Variants in HSF2BP observed in about 807,000 individuals in gnomAD.
The protein encoded by HSF2BP is heat shock transcription factor 2 binding protein, also known as heat shock factor 2-binding protein.
A neutral mutation model predicts 35.0 loss-of-function variants in HSF2BP; 35 were observed. The observed-to-expected ratio is 1.00, with a 90% confidence interval of 0.76 to 1.32. The LOEUF is 1.32. Ranked by LOEUF, HSF2BP falls within the 40% of genes most tolerant of loss-of-function variation. HSF2BP has a pLI of 0.00. For synonymous variants in HSF2BP, 114 were observed against 117.4 expected (o/e 0.97, Z 0.18); for missense variants, 326 against 321.7 (o/e 1.01, Z -0.10).
At chr21:43,639,032 A>G (rs928140348) in intron 4 of HSF2BP, among the ~76,000 whole-genome samples, 1 of 152,260 alleles carries the variant, frequency 6.6e-6, no homozygotes, top group African/African-American at 2.4e-5. Flanking sequence ...TGCAAAAGCA[A>G]TTCAATGAAG....
At chr21:43,602,060 C>A (rs1423199475) in intron 7 of HSF2BP, among the ~76,000 whole-genome samples, 8 of 152,176 alleles carry the variant, frequency 5.3e-5, no homozygotes, top group Admixed American at 3.9e-4. Flanking sequence ...GGGAGAACCA[C>A]ACCCAGAAAG....
At chr21:43,622,523 T>C (rs901591608) in intron 6 of HSF2BP, among the ~76,000 whole-genome samples, 2 of 152,086 alleles carry the variant, frequency 1.3e-5, no homozygotes, top group African/African-American at 4.8e-5. Context: ...CAGGAGTAGC[T>C]ACATCTATAT....
chr21:43,625,405 G>A (rs2082377515), intron 6 of HSF2BP, among the ~76,000 whole-genome samples: 1 of 152,150 alleles, frequency 6.6e-6, no homozygotes, highest in African/African-American at 2.4e-5. Context: ...CAAAATCAGT[G>A]GTTGCCTTGG....
chr21:43,648,472 G>A (rs1374735241), intron 3 of HSF2BP, among the ~76,000 whole-genome samples: 1 of 152,146 alleles, frequency 6.6e-6, no homozygotes, highest in African/African-American at 2.4e-5. Flanking sequence ...GGAGGCAATG[G>A]CGCTCCACTC....
chr21:43,647,906 G>A (rs979958218), intron 3 of HSF2BP, among the ~76,000 whole-genome samples: 16 of 147,490 alleles, frequency 1.1e-4, no homozygotes, highest in Non-Finnish European at 2.2e-4. Flanking sequence ...TCCAGCCTGG[G>A]CGACAGAGCA....
chr21:43,608,960 C>T (rs981617440), intron 7 of HSF2BP, among the ~76,000 whole-genome samples: 5 of 152,120 alleles, frequency 3.3e-5, no homozygotes, highest in Middle Eastern at 3.2e-3. Flanking sequence ...ATGGAACAGC[C>T]AGACCCTGTC....
In HSF2BP at chr21:43,658,052, C is replaced by G. The variant is rs1601743598; in HGVS notation, c.36+9G>C. ...ACACGCTGGCGTCGGCCAGGGCTTC[C>G]TCACTAACCCGGCAGGCCTCCTCAG... On this transcript the variant is annotated intron_variant, in intron 2 of 8. Transcript: ENST00000291560. 6.5e-7 allele frequency: 1 copy of G among 1,535,948 alleles called. No homozygotes were observed. The highest frequency in any genetic ancestry group is 8.7e-7 in the Non-Finnish European group (1 of 1,146,314).
At chr21:43,635,450 A>C (rs2082538569) in intron 4 of HSF2BP, among the ~76,000 whole-genome samples, 1 of 152,232 alleles carries the variant, frequency 6.6e-6, no homozygotes, top group Non-Finnish European at 1.5e-5. Flanking sequence ...AAACCTACCG[A>C]AATAGAACCA....
intron 6 of HSF2BP, among the ~76,000 whole-genome samples, chr21:43,615,576 T>C (rs907265348): frequency 6.6e-6 from 1 of 152,200 alleles, no homozygotes; most frequent in Admixed American, 6.5e-5. Flanking sequence ...TTTCTACTTG[T>C]CTTTGCAGCA....
At chr21:43,623,614 A>G (rs4818856) in intron 6 of HSF2BP, among the ~76,000 whole-genome samples, 103,042 of 152,038 alleles carry the variant, frequency 0.68, 35,331 homozygotes, top group East Asian at 0.79. Flanking sequence ...GCTGTTTGTT[A>G]AGAGGGTCTC....
At chr21:43,623,562 A>G (rs1332247669) in intron 6 of HSF2BP, among the ~76,000 whole-genome samples, 1 of 152,198 alleles carries the variant, frequency 6.6e-6, no homozygotes, top group Non-Finnish European at 1.5e-5. Context: ...TGCCCAGAAG[A>G]GATCTTGTAG....
At chr21:43,636,871 G>A (rs1222665968) in intron 4 of HSF2BP, among the ~76,000 whole-genome samples, 5 of 142,682 alleles carry the variant, frequency 3.5e-5, no homozygotes, top group South Asian at 4.4e-4. Flanking sequence ...CAGCCTGGGC[G>A]AGAGCGAAAC....
chr21:43,612,795 C>A lies in HSF2BP; in HGVS notation c.692+1035G>T, dbSNP rs182266576. Among the ~76,000 whole-genome samples the A allele has an allele frequency of 1.6e-4, 24 of 152,034 alleles. No homozygotes were observed. The East Asian group carries it at 4.6e-3, about 29-fold the overall frequency. ...AGCCTAGGCAAGGTCTGTAGAGACT[C>A]GGTCTCTTTAAAAAAATAATTAAAA... On this transcript the variant is annotated intron_variant, in intron 7 of 8. Coordinates refer to ENST00000291560, the MANE Select transcript of HSF2BP (RefSeq NM_007031.2).
At chr21:43,649,259 GA>G (rs2082750230) in intron 3 of HSF2BP, among the ~76,000 whole-genome samples, 1 of 150,818 alleles carries the variant, frequency 6.6e-6, no homozygotes, top group Admixed American at 6.6e-5. Context: ...TTATTTTTTT[GA>G]AAAAAAATTT....
chr21:43,650,343 A>G (rs2082766782), intron 3 of HSF2BP, among the ~76,000 whole-genome samples: 1 of 151,958 alleles, frequency 6.6e-6, no homozygotes, highest in Non-Finnish European at 1.5e-5. Context: ...AGTAGCTGGG[A>G]CTACAGGCGC....
chr21:43,644,258 C>G (rs1374279543), intron 4 of HSF2BP, 31 bp downstream of exon 4: 1 of 1,555,762 alleles, frequency 6.4e-7, no homozygotes. Flanking sequence ...CACTTTCTGG[C>G]TTGGTGAGAG....
intron 8 of HSF2BP, among the ~76,000 whole-genome samples, chr21:43,587,975 T>C (rs189368147): frequency 2.0e-5 from 3 of 152,258 alleles, no homozygotes; most frequent in African/African-American, 7.2e-5. Context: ...TATGAGAAAG[T>C]AGGATTACTG....
intron 5 of HSF2BP, among the ~76,000 whole-genome samples, chr21:43,631,099 A>C (rs1381337794): frequency 6.6e-6 from 1 of 152,220 alleles, no homozygotes; most frequent in African/African-American, 2.4e-5. Flanking sequence ...CAACTCTAAA[A>C]ATTTGCTAAA....
At chr21:43,614,529 A>G (rs998858031) in intron 6 of HSF2BP, among the ~76,000 whole-genome samples, 1 of 152,168 alleles carries the variant, frequency 6.6e-6, no homozygotes, top group African/African-American at 2.4e-5. Flanking sequence ...TATGCTCCAG[A>G]GTGCTGCATT....
Sources: gnomAD v4.1 joint callset for allele counts (sites outside exome capture counted in the v4.1 genomes callset) on GRCh38, gnomAD v4.1.1 for gene constraint, MANE v1.5 for transcripts, NCBI Gene and HGNC (gene_info 2026-07-23, HGNC 2026-07-21) for gene names.